DDAH1: variants seen among roughly 807,000 people sequenced by gnomAD.
DDAH1 encodes dimethylarginine dimethylaminohydrolase 1, also known as N(G),N(G)-dimethylarginine dimethylaminohydrolase 1.
A neutral mutation model predicts 28.8 loss-of-function variants in DDAH1; 19 were observed. That is an observed-to-expected ratio of 0.66 (90% CI 0.46 to 0.97). The LOEUF is 0.97. DDAH1 is among the 50% of genes least tolerant of loss of function. The pLI is 0.00. For synonymous variants in DDAH1, 153 were observed against 154.4 expected (o/e 0.99, Z 0.07); for missense variants, 326 against 375.9 (o/e 0.87, Z 1.10).
intron 1 of DDAH1, among the ~76,000 whole-genome samples, chr1:85,573,792 T>C (rs1041328545): frequency 6.6e-6 from 1 of 152,244 alleles, no homozygotes; most frequent in African/African-American, 2.4e-5. Flanking sequence ...TATAAATTCC[T>C]ACAACCAAGA....
chr1:85,465,283 G>A, upstream of DDAH1: 1 of 999,470 alleles, frequency 1.0e-6, no homozygotes, highest in Non-Finnish European at 1.2e-6. Context: ...TCTCGCGCCA[G>A]CCCAGGCGGG....
chr1:85,342,002 T>C (rs1648520512), intron 4 of DDAH1, among the ~76,000 whole-genome samples: 1 of 152,100 alleles, frequency 6.6e-6, no homozygotes, highest in South Asian at 2.1e-4. Flanking sequence ...CCATCCTAGG[T>C]TTAAGACACA....
rs1227966553 is a variant in DDAH1, at chr1:85,464,768, G to A, written c.278C>T (p.Pro93Leu). 5 of 1,562,278 alleles carry A rather than the reference G, an allele frequency of 3.2e-6. No individual in the cohort carries two copies. The East Asian group carries it at 1.2e-4, about 37-fold the overall frequency. ...VCEETALITR[P>L]GAPSRRKEVD... ...CTCCTTCCTCCGGCTCGGCGCCCCG[G>A]GTCGGGTGATGAGGGCCGTCTCCTC... Residue 93 changes from proline (P) to leucine (L), a missense_variant, in exon 1 of 6, where the codon CCC becomes CTC. Coordinates refer to ENST00000284031, the MANE Select transcript of DDAH1 (RefSeq NM_012137.4). This position sits in a 1 kb window ranked among gnomAD's most constrained non-coding sequence, Gnocchi z 4.4.
chr1:85,334,971 T>C (rs1323227290), intron 4 of DDAH1, among the ~76,000 whole-genome samples: 2 of 152,068 alleles, frequency 1.3e-5, no homozygotes, highest in African/African-American at 4.8e-5. Flanking sequence ...AATTCAGAGT[T>C]TCCCAAACAA....
intron 1 of DDAH1, among the ~76,000 whole-genome samples, chr1:85,507,993 T>G (rs1293037872): frequency 6.6e-6 from 1 of 152,242 alleles, no homozygotes; most frequent in African/African-American, 2.4e-5. Context: ...ACTTAATAAA[T>G]GATTTCATGA....
At chr1:85,452,214 T>G (rs1654695249) in intron 1 of DDAH1, among the ~76,000 whole-genome samples, 1 of 152,178 alleles carries the variant, frequency 6.6e-6, no homozygotes, top group African/African-American at 2.4e-5. Flanking sequence ...ATGCCAAAAT[T>G]CTGTTGCTGC....
At chr1:85,427,335 C>T (rs992959288) in intron 1 of DDAH1, among the ~76,000 whole-genome samples, 9 of 150,748 alleles carry the variant, frequency 6.0e-5, no homozygotes, top group Non-Finnish European at 1.0e-4. Flanking sequence ...GCATTCTGTA[C>T]TACAGCATGT....
At chr1:85,403,311 A>C (rs1652244933) in intron 1 of DDAH1, among the ~76,000 whole-genome samples, 1 of 152,196 alleles carries the variant, frequency 6.6e-6, no homozygotes, top group Middle Eastern at 3.4e-3. Flanking sequence ...ATGTATGTAA[A>C]GTAAAACAGA....
At chr1:85,357,460 C>T (rs1649550082) in intron 2 of DDAH1, among the ~76,000 whole-genome samples, 1 of 152,228 alleles carries the variant, frequency 6.6e-6, no homozygotes. Context: ...AGAATAAACA[C>T]TATTCCTTCT....
intron 1 of DDAH1, among the ~76,000 whole-genome samples, chr1:85,566,674 G>T (rs1269240799): frequency 6.6e-6 from 1 of 152,088 alleles, no homozygotes; most frequent in Non-Finnish European, 1.5e-5. Context: ...ATAGGGATTA[G>T]ATTTCAGAAC....
intron 1 of DDAH1, among the ~76,000 whole-genome samples, chr1:85,463,951 G>A (rs567542010): frequency 6.6e-6 from 1 of 152,192 alleles, no homozygotes; most frequent in African/African-American, 2.4e-5. Context: ...ACAAGCTGCA[G>A]TATTTCAAAG....
At chr1:85,505,874 T>A (rs143078590) in intron 1 of DDAH1, among the ~76,000 whole-genome samples, 28 of 152,324 alleles carry the variant, frequency 1.8e-4, no homozygotes, top group South Asian at 4.1e-4. Context: ...TAGACTTTTT[T>A]AATACATTTT....
chr1:85,323,233 C>T (rs757006802), intron 5 of DDAH1, among the ~76,000 whole-genome samples: 5 of 151,608 alleles, frequency 3.3e-5, no homozygotes, highest in Non-Finnish European at 5.9e-5. Flanking sequence ...ATTTGCGAAG[C>T]TTAAGACAAA....
At chr1:85,555,711 CAATT>C (rs1189173099) in intron 1 of DDAH1, among the ~76,000 whole-genome samples, 2 of 152,226 alleles carry the variant, frequency 1.3e-5, no homozygotes, top group East Asian at 3.9e-4. Flanking sequence ...CAAACACTCA[CAATT>C]AATCATCAGG....
rs11802530 is a variant in DDAH1, at chr1:85,348,794, T to G, written c.597+1621A>C. Reference sequence around the variant, plus strand: ...TATTTGATTACCTTTTATTTTGTTATGTGTTAGTCTCTCTAGACTATTTGA... The same window carrying G: ...TATTTGATTACCTTTTATTTTGTTAGGTGTTAGTCTCTCTAGACTATTTGA... On this transcript the variant is annotated intron_variant, in intron 4 of 5. Transcript: ENST00000284031. 4.9e-3 allele frequency among the ~76,000 whole-genome samples: 739 copies of G among 152,334 alleles called. 2 individuals are homozygous for G. The highest frequency in any genetic ancestry group is 0.017 in the African/African-American group (709 of 41,568).
At chr1:85,404,515 G>A in intron 1 of DDAH1, 2 of 1,425,274 alleles carry the variant, frequency 1.4e-6, no homozygotes, top group South Asian at 1.6e-5. Context: ...TTGAGCCATG[G>A]AGCAAATAAT....
chr1:85,348,567 T>C (rs944803395), intron 4 of DDAH1, among the ~76,000 whole-genome samples: 1 of 152,206 alleles, frequency 6.6e-6, no homozygotes, highest in African/African-American at 2.4e-5. Context: ...CAGTCTTTGC[T>C]TATGCCATGT....
intron 1 of DDAH1, among the ~76,000 whole-genome samples, chr1:85,364,887 G>A (rs233047): frequency 0.33 from 50,873 of 152,020 alleles, 8,652 homozygotes; most frequent in South Asian, 0.4. Context: ...CCAACAAAAA[G>A]GGATCGAACA....
At chr1:85,561,966 C>A (rs895840987) in intron 1 of DDAH1, among the ~76,000 whole-genome samples, 1 of 152,188 alleles carries the variant, frequency 6.6e-6, no homozygotes, top group Non-Finnish European at 1.5e-5. Context: ...TTGCAAATGG[C>A]ATCAAGGGTC....
Sources: gnomAD v4.1 joint callset for allele counts (sites outside exome capture counted in the v4.1 genomes callset) on GRCh38, gnomAD v4.1.1 for gene constraint, Gnocchi (gnomAD v3.1) non-coding constraint, MANE v1.5 for transcripts, NCBI Gene and HGNC (gene_info 2026-07-23, HGNC 2026-07-21) for gene names.